Variants in CARNMT1 observed in about 807,000 individuals in gnomAD.
The protein encoded by CARNMT1 is carnosine N-methyltransferase 1, also known as protein-L-histidine N-pros-methyltransferase CARNMT1.
CARNMT1 carries 28 observed loss-of-function variants against 49.6 expected under a neutral mutation model. The observed-to-expected ratio is 0.56, with a 90% CI of 0.42 to 0.77. CARNMT1 has a LOEUF of 0.77. CARNMT1 is among the 30% of genes least tolerant of loss of function. CARNMT1 has a pLI of 0.00. For missense variants in CARNMT1, 421 were observed against 512.6 expected (o/e 0.82, Z 1.73); for synonymous variants, 178 against 175.0 (o/e 1.02, Z -0.13).
chr9:75,020,754 G>A (rs926305749), intron 1 of CARNMT1, among the ~76,000 whole-genome samples: 37 of 152,168 alleles, frequency 2.4e-4, no homozygotes, highest in Non-Finnish European at 5.3e-4. Flanking sequence ...GTTTTTACAA[G>A]CTTGTGTTTG....
chr9:75,001,981 T>G (rs1833372480), intron 3 of CARNMT1, among the ~76,000 whole-genome samples: 1 of 152,130 alleles, frequency 6.6e-6, no homozygotes, highest in South Asian at 2.1e-4. Context: ...CTACTTGAGA[T>G]TCTTAGTGAA....
At chr9:75,016,735 G>A (rs998224229) in intron 2 of CARNMT1, 2 of 294,776 alleles carry the variant, frequency 6.8e-6, no homozygotes, top group Non-Finnish European at 1.2e-5. Flanking sequence ...AGAGAGGGAA[G>A]AAAGTCCCTC....
intron 3 of CARNMT1, among the ~76,000 whole-genome samples, chr9:75,014,561 G>C (rs887799697): frequency 6.6e-6 from 1 of 152,150 alleles, no homozygotes; most frequent in Non-Finnish European, 1.5e-5. Context: ...GAAGACGGAA[G>C]AGGAAACAAT....
intron 3 of CARNMT1, among the ~76,000 whole-genome samples, chr9:75,003,884 G>C (rs1833433126): frequency 6.6e-6 from 1 of 152,162 alleles, no homozygotes; most frequent in African/African-American, 2.4e-5. Context: ...GTTTTGTTCT[G>C]TTTTGCTATG....
At chr9:74,998,014 T>C (rs11794256) in intron 5 of CARNMT1, among the ~76,000 whole-genome samples, 7,326 of 152,154 alleles carry the variant, frequency 0.048, 224 homozygotes, top group Middle Eastern at 0.092. Context: ...CCTATTACCA[T>C]CTCCCTTTCT....
rs1832684388 is a variant in CARNMT1 at position 74,981,225 on chromosome 9, T to C, written c.*2542A>G. ...CTGTGATTTTTACAGCTTCTCCTTA[T>C]ATTGTACATGTTCCACCTTGCTCAC... On this transcript the variant is annotated 3_prime_UTR_variant, in exon 8 of 8. Transcript: ENST00000376834. The C allele has an allele frequency of 6.6e-6, 1 of 152,160 alleles. No individual in the cohort carries two copies. Among genetic ancestry groups the C allele is most frequent in the Admixed American group, 6.5e-5 (1 of 15,282 alleles). 9.4% of individuals were successfully genotyped at this position (152,160 alleles called of 1,614,324 possible).
Position 75,028,080 on chromosome 9 carries a change from G to T in CARNMT1, c.162C>A (p.Thr54=). 1.3e-6 allele frequency: 2 copies of T among 1,568,656 alleles called. No individual in the cohort carries two copies. Among genetic ancestry groups the T allele is most frequent in the Non-Finnish European group, 1.7e-6 (2 of 1,159,888 alleles). ...SAAAAAATRS[T]EEEEERLERE... Reference sequence around the variant, plus strand: ...GCTCAAGCCTCTCCTCCTCCTCCTCGGTGCTGCGCGTGGCCGCCGCCGCTG... The same window carrying T: ...GCTCAAGCCTCTCCTCCTCCTCCTCTGTGCTGCGCGTGGCCGCCGCCGCTG... Residue 54 remains threonine (T), a synonymous_variant, in exon 1 of 8, where the codon ACC becomes ACA. Coordinates refer to ENST00000376834, the MANE Select transcript of CARNMT1 (RefSeq NM_152420.3).
intron 3 of CARNMT1, 84 bp from the exon 4 acceptor site, chr9:74,999,954 C>G: frequency 8.0e-7 from 1 of 1,244,314 alleles, no homozygotes; most frequent in South Asian, 1.5e-5. Context: ...TAAAAACTTA[C>G]TCATTTACTC....
At chr9:74,985,966 A>G (rs1170954463) in intron 6 of CARNMT1, among the ~76,000 whole-genome samples, 1 of 152,220 alleles carries the variant, frequency 6.6e-6, no homozygotes, top group Admixed American at 6.5e-5. Flanking sequence ...CACTGTTTAT[A>G]TGACATCCTC....
At chr9:75,022,020 T>G (rs1822381113) in intron 1 of CARNMT1, among the ~76,000 whole-genome samples, 1 of 152,016 alleles carries the variant, frequency 6.6e-6, no homozygotes, top group Non-Finnish European at 1.5e-5. Flanking sequence ...TTGTCTATAT[T>G]TGTGGGGTAC....
intron 3 of CARNMT1, among the ~76,000 whole-genome samples, chr9:75,014,128 C>T (rs1833779622): frequency 6.6e-6 from 1 of 150,902 alleles, no homozygotes; most frequent in South Asian, 2.1e-4. Context: ...GAATAAAACA[C>T]CAGGAGGCTG....
Position 74,998,713 on chromosome 9 carries a change from T to C in CARNMT1, c.795A>G (p.Arg265=). The C allele has an allele frequency of 6.2e-7, 1 of 1,605,874 alleles. No individual in the cohort carries two copies. Among genetic ancestry groups the C allele is most frequent in the South Asian group, 1.1e-5 (1 of 89,926 alleles). The stretch of plus-strand genomic sequence containing the variant: ...AGATGGGTCGAATCTGATCAGCTGA[T>C]CTCCGGTTATTGCTAAACTGATGGA... ...PWIHQFSNNR[R]SADQIRPIFF... is the part of the protein sequence containing the mutation. The change falls in exon 5 of 8, where the codon AGA becomes AGG. Residue 265 remains arginine, a synonymous_variant. Transcript: ENST00000376834.
chr9:75,016,253 T>G lies in CARNMT1; in HGVS notation c.590+15A>C. 6.3e-7 allele frequency: 1 copy of G among 1,588,086 alleles called. No homozygotes were observed. Among genetic ancestry groups the G allele is most frequent in the South Asian group, 1.1e-5 (1 of 88,842 alleles). The stretch of plus-strand genomic sequence containing the variant: ...TACACTTTAAAAACTTGGTTAAAAA[T>G]GAGGTACTATTTACCATCTCTCTTT... On this transcript the variant is annotated intron_variant, in intron 3 of 7. Transcript: ENST00000376834.
intron 6 of CARNMT1, chr9:74,995,888 G>A (rs1833173221): frequency 6.6e-6 from 1 of 151,944 alleles, no homozygotes. Context: ...GGACTGGAGG[G>A]ACCATGTTAT....
Position 74,985,016 on chromosome 9 carries a change from G to GT in CARNMT1, c.1025-7dup. On this transcript the variant is annotated splice_polypyrimidine_tract_variant and splice_region_variant and intron_variant, in intron 6 of 7. Transcript: ENST00000376834. Reference sequence around the variant, plus strand: ...AAAGTGGTACAGCAGAGGACCTATGGTTTAAAGATACTATGAATTACTTGA... The same window carrying GT: ...AAAGTGGTACAGCAGAGGACCTATGGTTTTAAAGATACTATGAATTACTTGA... 1 of 1,590,888 alleles carries GT rather than the reference G, an allele frequency of 6.3e-7. No individual in the cohort carries two copies. Among genetic ancestry groups the GT allele is most frequent in the Non-Finnish European group, 8.6e-7 (1 of 1,159,122 alleles).
chr9:75,016,991 C>A, intron 2 of CARNMT1: 1 of 440,600 alleles, frequency 2.3e-6, no homozygotes, highest in East Asian at 3.4e-5. Context: ...AAGTCACTAA[C>A]CCTGTATTCC....
At chr9:75,008,070 T>G (rs2118828136) in intron 3 of CARNMT1, among the ~76,000 whole-genome samples, 1 of 147,104 alleles carries the variant, frequency 6.8e-6, no homozygotes, top group South Asian at 2.1e-4. Context: ...TATAATAGCA[T>G]CTAACACAGG....
chr9:75,011,625 C>A (rs1376283412), intron 3 of CARNMT1, among the ~76,000 whole-genome samples: 1 of 152,150 alleles, frequency 6.6e-6, no homozygotes, highest in Non-Finnish European at 1.5e-5. Context: ...ATCTCAGTCT[C>A]TCAAAGTACT....
In CARNMT1 at chr9:75,017,349, G is replaced by C; in HGVS notation, c.330C>G (p.Asp110Glu). ...KLLPQFLLHL[D>E]KIRKCIDHNQ... The stretch of plus-strand genomic sequence containing the variant: ...TATGATCAATGCATTTCCGGATCTT[G>C]TCCAAGTGAAGAAGAAACTGAGGAA... Residue 110 changes from aspartate (D) to glutamate (E), a missense_variant, in exon 2 of 8, where the codon GAC (aspartate) becomes GAG (glutamate). Coordinates refer to ENST00000376834, the MANE Select transcript of CARNMT1 (RefSeq NM_152420.3). The C allele has an allele frequency of 6.2e-7, 1 of 1,613,872 alleles. No homozygotes were observed. Among genetic ancestry groups the C allele is most frequent in the Non-Finnish European group, 8.5e-7 (1 of 1,179,788 alleles).
Sources: allele counts gnomAD v4.1 joint callset (sites outside exome capture counted in the v4.1 genomes callset), GRCh38; gene constraint gnomAD v4.1.1; transcripts MANE v1.5; gene names NCBI Gene and HGNC (gene_info 2026-07-23, HGNC 2026-07-21).